FASTKD5: variants seen among roughly 807,000 people sequenced by gnomAD.
The protein encoded by FASTKD5 is non-canonical pre-mRNAs endonuclease FASTKD5, mitochondrial.
In FASTKD5, 30 loss-of-function variants were observed where a neutral mutation model predicts 44.0. That is an observed-to-expected ratio of 0.68 (90% CI 0.51 to 0.93). The LOEUF is 0.93. Among genes scored for constraint, FASTKD5 ranks in the 40% least tolerant of loss-of-function variants. The pLI, the probability that FASTKD5 is intolerant of heterozygous loss-of-function variation, is 0.00. For synonymous variants in FASTKD5, 335 were observed against 342.2 expected (o/e 0.98, Z 0.23); for missense variants, 868 against 908.2 (o/e 0.96, Z 0.57).
Position 3,151,068 on chromosome 20 carries a change from T to TTG in FASTKD5, c.-190-1810_-190-1809dup, listed in dbSNP as rs142154039. ...AGTTAGTGTGTGTTTGTGTGTGTGT[T>TTG]TGTGTGTGTGTGTGTGTGGAGATGG... On this transcript the variant is annotated intron_variant, in intron 1 of 1. Transcript: ENST00000380266. Among the ~76,000 whole-genome samples the TTG allele has an allele frequency of 5.5e-3, 822 of 149,468 alleles. 8 individuals carry two copies. Among genetic ancestry groups the TTG allele is most frequent in the East Asian group, 5.7e-3 (29 of 5,130 alleles).
rs952705493 is a variant in FASTKD5 at position 3,148,251 on chromosome 20, T to G, written c.820A>C (p.Lys274Gln). ...IFSSYLNLHW[K>Q]DLSLSQLVHL... ...ACTAGCTGAGACAAGGATAGATCCT[T>G]CCAGTGCAAATTAAGATAACTAGAA... Residue 274 changes from lysine to glutamine, a missense_variant, in exon 2 of 2, where the codon AAG (lysine) becomes CAG (glutamine). By Grantham distance (53) the Lys-to-Gln change is moderately conservative. Coordinates refer to ENST00000380266, the MANE Select transcript of FASTKD5 (RefSeq NM_021826.5). 1.2e-6 allele frequency: 2 copies of G among 1,612,740 alleles called. No homozygotes were observed. Among genetic ancestry groups the G allele is most frequent in the African/African-American group, 2.7e-5 (2 of 74,774 alleles).
At position 3,148,125 on chromosome 20, in the gene FASTKD5, C is replaced by G. The variant is rs201594632; in HGVS notation, c.946G>C (p.Glu316Gln). 6 of 1,613,924 alleles carry G rather than the reference C, an allele frequency of 3.7e-6. No homozygotes were observed. In the African/African-American group the frequency reaches 8.0e-5, roughly 22 times the overall value. The change falls in exon 2 of 2, where the codon GAG becomes CAG. Residue 316 changes from glutamate (E) to glutamine (Q), a missense_variant. Physicochemically the swap from Glu to Gln is conservative, Grantham distance 29. Coordinates refer to ENST00000380266, the MANE Select transcript of FASTKD5 (RefSeq NM_021826.5). ...CCCAAACAGATGGTACCAACCTCCTCCAAATTGATCAAATCTATATATTTA... is the reference window on the plus strand; with the variant it reads ...CCCAAACAGATGGTACCAACCTCCTGCAAATTGATCAAATCTATATATTTA... ...ILKYIDLINL[E>Q]EVGTICLGFF...
chr20:3,152,267 G>A (rs1391863003), intron 1 of FASTKD5, among the ~76,000 whole-genome samples: 8 of 151,332 alleles, frequency 5.3e-5, no homozygotes, highest in African/African-American at 1.9e-4. Context: ...GATCTATGAG[G>A]TCAGGCATTC....
In FASTKD5 at chr20:3,148,280, A is replaced by C; in HGVS notation, c.791T>G (p.Ile264Ser). Reference protein sequence around the residue: ...LGRKVPRFLNIFSSYLNLHWK... With the variant: ...LGRKVPRFLNSFSSYLNLHWK... ...GTGCAAATTAAGATAACTAGAAAAA[A>C]TGTTTAAAAACCTAGGTACTTTGCG... Residue 264 changes from isoleucine (I) to serine (S), a missense_variant, in exon 2 of 2, where the codon ATT becomes AGT. Physicochemically the swap from Ile to Ser is moderately radical, Grantham distance 142 (BLOSUM62 -2). Transcript: ENST00000380266. 6.2e-7 allele frequency: 1 copy of C among 1,611,700 alleles called. No individual in the cohort carries two copies. Among genetic ancestry groups the C allele is most frequent in the South Asian group, 1.1e-5 (1 of 90,388 alleles).
rs371675372 is a variant in FASTKD5 at position 3,148,448 on chromosome 20, T to C, written c.623A>G (p.Asn208Ser). The change falls in exon 2 of 2, where the codon AAT (asparagine) becomes AGT (serine). Residue 208 changes from asparagine to serine, a missense_variant. Transcript: ENST00000380266. ...TAAAATGACAAAAGCTTTCAAAACA[T>C]TGATCAGATCTTGGGTATCAAAGAG... ...IQLFDTQDLI[N>S]VLKAFVILGI... The C allele has an allele frequency of 1.7e-5, 28 of 1,614,046 alleles. No individual in the cohort carries two copies. Among genetic ancestry groups the C allele is most frequent in the Middle Eastern group, 1.6e-4 (1 of 6,084 alleles).
rs751273447 is a variant in FASTKD5, at chr20:3,147,645, G to C, written c.1426C>G (p.Leu476Val). The stretch of plus-strand genomic sequence containing the variant: ...TACTCCAAAAATGCCAGGCCCAGCA[G>C]GCAGGTGGGCAGGTGTTCTGGGTAC... ...NQYPEHLPTC[L>V]LGLAFLEYFP... is the part of the protein sequence containing the mutation. The change falls in exon 2 of 2, where the codon CTG becomes GTG. Residue 476 changes from leucine (L) to valine (V), a missense_variant. Leu to Val is a conservative substitution (Grantham distance 32). Coordinates refer to ENST00000380266, the MANE Select transcript of FASTKD5 (RefSeq NM_021826.5). The C allele has an allele frequency of 6.2e-7, 1 of 1,614,214 alleles. No individual in the cohort carries two copies. Among genetic ancestry groups the C allele is most frequent in the South Asian group, 1.1e-5 (1 of 91,088 alleles).
intron 1 of FASTKD5, among the ~76,000 whole-genome samples, chr20:3,157,157 T>G (rs908223339): frequency 6.6e-6 from 1 of 152,128 alleles, no homozygotes; most frequent in African/African-American, 2.4e-5. Flanking sequence ...CTGCTGAGAA[T>G]CTACAAAACT....
chr20:3,156,016 G>A (rs1236965310), intron 1 of FASTKD5, among the ~76,000 whole-genome samples: 2 of 152,104 alleles, frequency 1.3e-5, no homozygotes, highest in African/African-American at 2.4e-5. Context: ...AGAACAGTAG[G>A]GAGAAAAGAC....
rs767883997 is a variant in FASTKD5, at chr20:3,147,490, A to G, written c.1581T>C (p.Asp527=). 1 of 1,614,174 alleles carries G rather than the reference A, an allele frequency of 6.2e-7. No individual in the cohort carries two copies. Among genetic ancestry groups the G allele is most frequent in the South Asian group, 1.1e-5 (1 of 91,084 alleles). Residue 527 remains aspartate (D), a synonymous_variant, in exon 2 of 2, where the codon GAT becomes GAC. Coordinates refer to ENST00000380266, the MANE Select transcript of FASTKD5 (RefSeq NM_021826.5). ...LDGTVGIECP[D]YRGNRLSTHL... is the part of the protein sequence containing the mutation. Reference sequence around the variant, plus strand: ...GAGTACTAAGACGATTGCCTCTGTAATCTGGACACTCAATGCCAACTGTAC... The same window carrying G: ...GAGTACTAAGACGATTGCCTCTGTAGTCTGGACACTCAATGCCAACTGTAC...
In FASTKD5 at chr20:3,147,941, A is replaced by G. The variant is rs774843885; in HGVS notation, c.1130T>C (p.Ile377Thr). ...HVDHINFMKQ[I>T]GEIAPQRIPS... ...AATTCGCTGAGGAGCTATCTCTCCAATCTGCTTCATGAAATTGATGTGATC... is the reference window on the plus strand; with the variant it reads ...AATTCGCTGAGGAGCTATCTCTCCAGTCTGCTTCATGAAATTGATGTGATC... The change falls in exon 2 of 2, where the codon ATT becomes ACT. Residue 377 changes from isoleucine (I) to threonine (T), a missense_variant. Ile to Thr is a moderately conservative substitution (Grantham distance 89). Coordinates refer to ENST00000380266, the MANE Select transcript of FASTKD5 (RefSeq NM_021826.5). 8 of 1,614,244 alleles carry G rather than the reference A, an allele frequency of 5.0e-6. No individual in the cohort carries two copies. The highest frequency in any genetic ancestry group is 5.9e-6 in the Non-Finnish European group (7 of 1,180,048).
intron 1 of FASTKD5, chr20:3,151,867 G>A (rs1485971221): frequency 2.0e-5 from 3 of 151,264 alleles, no homozygotes; most frequent in African/African-American, 4.9e-5. Flanking sequence ...CACTTTGAGA[G>A]GCCAAGGCAG....
chr20:3,156,658 G>A (rs916560940), intron 1 of FASTKD5: 5 of 152,264 alleles, frequency 3.3e-5, no homozygotes, highest in African/African-American at 1.2e-4. Context: ...TGAATGATGT[G>A]ATTTCACAGG....
intron 1 of FASTKD5, among the ~76,000 whole-genome samples, chr20:3,156,173 C>CT (rs761149925): frequency 0.035 from 4,546 of 130,112 alleles, 162 homozygotes; most frequent in Admixed American, 0.067. Context: ...ACTTCTGACT[C>CT]TTTTTTTTTT....
chr20:3,151,816 G>GCAGGATGGC, intron 1 of FASTKD5: 1 of 151,924 alleles, frequency 6.6e-6, no homozygotes, highest in South Asian at 2.1e-4. Flanking sequence ...AAAAGAGACA[G>GCAGGATGGC]CAGGATGGCC....
intron 1 of FASTKD5, among the ~76,000 whole-genome samples, chr20:3,154,207 A>G (rs1283058961): frequency 1.3e-5 from 2 of 152,246 alleles, no homozygotes; most frequent in African/African-American, 4.8e-5. Context: ...AGCTGTGAAC[A>G]GACATAAAGA....
Position 3,147,789 on chromosome 20 carries a change from T to C in FASTKD5, c.1282A>G (p.Lys428Glu). Residue 428 changes from lysine (K) to glutamate (E), a missense_variant, in exon 2 of 2, where the codon AAA becomes GAA. Lys to Glu is a moderately conservative substitution (Grantham distance 56, BLOSUM62 1). Coordinates refer to ENST00000380266, the MANE Select transcript of FASTKD5 (RefSeq NM_021826.5). Reference sequence around the variant, plus strand: ...GACCACAGAATCTTGGCAACATCTTTACTTCGACAGTGTGCCACTCTAGGA... The same window carrying C: ...GACCACAGAATCTTGGCAACATCTTCACTTCGACAGTGTGCCACTCTAGGA... ...LPPRVAHCRS[K>E]DVAKILWSFG... is the part of the protein sequence containing the mutation. 1 of 1,614,216 alleles carries C rather than the reference T, an allele frequency of 6.2e-7. No homozygotes were observed. The highest frequency in any genetic ancestry group is 8.5e-7 in the Non-Finnish European group (1 of 1,180,042).
chr20:3,154,390 T>C (rs529968601), intron 1 of FASTKD5, among the ~76,000 whole-genome samples: 1 of 152,288 alleles, frequency 6.6e-6, no homozygotes, highest in African/African-American at 2.4e-5. Flanking sequence ...AGATAGAATA[T>C]GTTACCACAG....
chr20:3,156,173 C>CTT (rs761149925), intron 1 of FASTKD5, among the ~76,000 whole-genome samples: 35 of 130,142 alleles, frequency 2.7e-4, no homozygotes, highest in Admixed American at 4.1e-4. Context: ...ACTTCTGACT[C>CTT]TTTTTTTTTT....
At chr20:3,151,694 T>C (rs951186449) in intron 1 of FASTKD5, 6 of 150,406 alleles carry the variant, frequency 4.0e-5, no homozygotes, top group African/African-American at 1.2e-4. Flanking sequence ...TATAGAAAAA[T>C]AGTACTAAAA....
Sources: gnomAD v4.1 joint callset for allele counts (sites outside exome capture counted in the v4.1 genomes callset) on GRCh38, gnomAD v4.1.1 for gene constraint, MANE v1.5 for transcripts, NCBI Gene and HGNC (gene_info 2026-07-23, HGNC 2026-07-21) for gene names.